Variants in ROCK1 observed in about 807,000 individuals in gnomAD.
The protein encoded by ROCK1 is rho-associated protein kinase 1.
In ROCK1, 36 loss-of-function variants were observed where a neutral mutation model predicts 196.8. That is an observed-to-expected ratio of 0.18 (90% CI 0.14 to 0.24). ROCK1 has a LOEUF of 0.24. ROCK1 is among the 10% of genes least tolerant of loss of function. The pLI, the probability that ROCK1 is intolerant of heterozygous loss-of-function variation, is 1.00. For missense variants in ROCK1, 920 were observed against 1,562.0 expected (o/e 0.59, Z 6.93); for synonymous variants, 443 against 515.9 (o/e 0.86, Z 1.91).
intron 25 of ROCK1, 38 bp from the exon 26 acceptor site, chr18:20,967,978 C>T (rs2035389950): frequency 7.3e-7 from 1 of 1,362,944 alleles, no homozygotes; most frequent in Non-Finnish European, 9.8e-7. Flanking sequence ...ATAGTGTAGT[C>T]ATCCAATTTA....
rs530220498 is a variant in ROCK1 at position 21,023,502 on chromosome 18, C to A, written c.1272+118G>T. 7 of 474,822 alleles carry A rather than the reference C, an allele frequency of 1.5e-5. No homozygotes were observed. The South Asian group carries it at 3.8e-4, about 26-fold the overall frequency. The allele number at this position is 474,822 out of a possible 1,614,324, so 29.4% of individuals were successfully genotyped here. A position where few individuals can be genotyped will look rare whatever the true frequency, so the allele number is the denominator to read the frequency against. ...TGGGAGATGAAAGTGCCATAAAAAT[C>A]TAAGTTCAGCTAACCACAGCTTCAC... On this transcript the variant is annotated intron_variant, in intron 11 of 32. Transcript: ENST00000399799.
intron 2 of ROCK1, among the ~76,000 whole-genome samples, chr18:21,055,957 G>C (rs1219171064): frequency 6.6e-6 from 1 of 152,256 alleles, no homozygotes; most frequent in East Asian, 1.9e-4. Flanking sequence ...TGATATATCA[G>C]TGGCTTTAAC....
At chr18:20,956,905 G>T (rs566047698) in intron 29 of ROCK1, among the ~76,000 whole-genome samples, 1 of 152,030 alleles carries the variant, frequency 6.6e-6, no homozygotes, top group Admixed American at 6.6e-5. Context: ...GGCTAATAAC[G>T]ACATGAAAGA....
chr18:20,967,126 A>T, intron 26 of ROCK1, 50 bp from the exon 27 acceptor site: 1 of 1,229,564 alleles, frequency 8.1e-7, no homozygotes, highest in Non-Finnish European at 1.2e-6. Context: ...AACAATTTCC[A>T]ACATTACTAA....
In ROCK1 at chr18:21,111,584, G is replaced by C. The variant is rs1458380076; in HGVS notation, c.-674C>G. Reference sequence around the variant, plus strand: ...GTGTCCGGTGGGGCAGGGCGAGGTCGATGCCCGATGGAGACTTAGCAGAGG... The same window carrying C: ...GTGTCCGGTGGGGCAGGGCGAGGTCCATGCCCGATGGAGACTTAGCAGAGG... On this transcript the variant is annotated 5_prime_UTR_variant, in exon 1 of 33. It adds an upstream start codon to the 5' untranslated region. Coordinates refer to ENST00000399799, the MANE Select transcript of ROCK1 (RefSeq NM_005406.3). The surrounding 1 kb of genome is among the most constrained non-coding windows in gnomAD (Gnocchi z 4.2). 6.2e-6 allele frequency: 1 copy of C among 160,090 alleles called. No homozygotes were observed. Among genetic ancestry groups the C allele is most frequent in the African/African-American group, 2.4e-5 (1 of 41,766 alleles). The allele number at this position is 160,090 out of a possible 1,614,324, so 9.9% of individuals were successfully genotyped here.
At chr18:21,090,991 T>A (rs1205808847) in intron 1 of ROCK1, among the ~76,000 whole-genome samples, 2 of 152,218 alleles carry the variant, frequency 1.3e-5, no homozygotes, top group Non-Finnish European at 2.9e-5. Context: ...TCTGTTTTTC[T>A]GTAACAGTTG....
rs917291280 is a variant in ROCK1, at chr18:20,987,008, T to C, written c.2246A>G (p.Lys749Arg). 1.2e-6 allele frequency: 2 copies of C among 1,610,514 alleles called. No homozygotes were observed. Among genetic ancestry groups the C allele is most frequent in the African/African-American group, 1.3e-5 (1 of 74,770 alleles). The change falls in exon 19 of 33, where the codon AAG becomes AGG. Residue 749 changes from lysine to arginine, a missense_variant. Coordinates refer to ENST00000399799, the MANE Select transcript of ROCK1 (RefSeq NM_005406.3). ...ATGTTCTAGTTTCTGCTGAGATTGCTTCAGATCAACGTCTAGCATGGAACA... is the reference window on the plus strand; with the variant it reads ...ATGTTCTAGTTTCTGCTGAGATTGCCTCAGATCAACGTCTAGCATGGAACA... ...KQCSMLDVDLKQSQQKLEHLT... is the reference protein window; with the variant it reads ...KQCSMLDVDLRQSQQKLEHLT...
At chr18:20,973,960 CGGG>C (rs1568371934) in intron 22 of ROCK1, among the ~76,000 whole-genome samples, 1 of 151,832 alleles carries the variant, frequency 6.6e-6, no homozygotes, top group African/African-American at 2.4e-5. Flanking sequence ...TTAGTAGAGA[CGGG>C]GTTTCTCCAT....
rs1305877294 is a variant in ROCK1, at chr18:21,073,000, G to A, written c.94-2387C>T. ...GAGACAGGACAATCGCTTGAACCCG[G>A]GAGGCAGAGGTTGCGGTGAGCCAAA... On this transcript the variant is annotated intron_variant, in intron 1 of 32. Transcript: ENST00000399799. Among the ~76,000 whole-genome samples the A allele has an allele frequency of 3.1e-5, 4 of 129,228 alleles. No homozygotes were observed. In the East Asian group the frequency reaches 1.0e-3, roughly 34 times the overall value. 84.8% of individuals were successfully genotyped at this position (129,228 alleles called of 152,430 possible).
intron 23 of ROCK1, 136 bp downstream of exon 23, chr18:20,970,212 A>G (rs1277024702): frequency 5.3e-6 from 3 of 569,188 alleles, no homozygotes; most frequent in Non-Finnish European, 6.0e-6. Flanking sequence ...ACTATTTTAT[A>G]CATGAGTACA....
In ROCK1 at chr18:21,028,811, T is replaced by C. The variant is rs1195977219; in HGVS notation, c.1176A>G (p.Leu392=). 5 of 1,612,820 alleles carry C rather than the reference T, an allele frequency of 3.1e-6. No homozygotes were observed. Among genetic ancestry groups the C allele is most frequent in the South Asian group, 1.1e-5 (1 of 90,794 alleles). Reference sequence around the variant, plus strand: ...TATAATATGTAAATCCTACAAAAGGTAGTTGATTGCCAACGAAAGCTTTAG... The same window carrying C: ...TATAATATGTAAATCCTACAAAAGGCAGTTGATTGCCAACGAAAGCTTTAG... ...PIPKAFVGNQ[L]PFVGFTYYSN... Residue 392 remains leucine (L), a synonymous_variant, in exon 10 of 33, where the codon CTA becomes CTG. Coordinates refer to ENST00000399799, the MANE Select transcript of ROCK1 (RefSeq NM_005406.3).
chr18:21,092,151 T>G (rs559058566), intron 1 of ROCK1, among the ~76,000 whole-genome samples: 1 of 152,282 alleles, frequency 6.6e-6, no homozygotes, highest in East Asian at 1.9e-4. Flanking sequence ...CATAAATTAC[T>G]AAACAGCCAA....
intron 2 of ROCK1, among the ~76,000 whole-genome samples, chr18:21,063,308 G>A (rs2036307526): frequency 1.3e-5 from 2 of 152,118 alleles, no homozygotes; most frequent in South Asian, 4.1e-4. Context: ...AATATAACCT[G>A]TGATAAGTAT....
chr18:20,992,275 T>G (rs2143409781), intron 17 of ROCK1, among the ~76,000 whole-genome samples: 2 of 152,322 alleles, frequency 1.3e-5, no homozygotes, highest in African/African-American at 4.8e-5. Context: ...CTATTGAACC[T>G]CCAACATTTC....
chr18:21,046,541 T>A (rs759103238), intron 4 of ROCK1, among the ~76,000 whole-genome samples: 1 of 152,112 alleles, frequency 6.6e-6, no homozygotes, highest in African/African-American at 2.4e-5. Flanking sequence ...GGAGCAGTAA[T>A]AGCTAACACA....
At chr18:21,050,419 C>T (rs1457041036) in intron 2 of ROCK1, among the ~76,000 whole-genome samples, 1 of 151,424 alleles carries the variant, frequency 6.6e-6, no homozygotes, top group Non-Finnish European at 1.5e-5. Flanking sequence ...CTATTTGAAC[C>T]TAGATTTTAA....
At chr18:20,990,715 A>C (rs976246362) in intron 18 of ROCK1, among the ~76,000 whole-genome samples, 3 of 151,022 alleles carry the variant, frequency 2.0e-5, no homozygotes, top group Admixed American at 2.0e-4. Context: ...AAAAAAAAAA[A>C]AAAAAGGAAA....
At chr18:21,061,169 C>T (rs1474751860) in intron 2 of ROCK1, among the ~76,000 whole-genome samples, 2 of 151,384 alleles carry the variant, frequency 1.3e-5, no homozygotes, top group African/African-American at 4.9e-5. Context: ...ACCTCCACTT[C>T]CCAGGTTTAA....
intron 1 of ROCK1, among the ~76,000 whole-genome samples, chr18:21,078,983 A>C (rs778171010): frequency 6.6e-6 from 1 of 152,090 alleles, no homozygotes; most frequent in African/African-American, 2.4e-5. Flanking sequence ...CTGTCCCTCA[A>C]CTAAATTGGG....
Sources: allele counts gnomAD v4.1 joint callset (sites outside exome capture counted in the v4.1 genomes callset), GRCh38; gene constraint gnomAD v4.1.1; non-coding constraint Gnocchi (gnomAD v3.1); transcripts MANE v1.5; gene names NCBI Gene and HGNC (gene_info 2026-07-23, HGNC 2026-07-21).